The following CDH12 variants were observed in gnomAD, a reference collection of about 807,000 sequenced individuals.
CDH12 encodes cadherin 12.
CDH12 carries 41 observed loss-of-function variants against 74.1 expected under a neutral mutation model. The observed-to-expected ratio is 0.55, with a 90% CI of 0.43 to 0.72. CDH12 has a LOEUF of 0.72. Ranked by LOEUF, CDH12 falls within the 30% of genes least tolerant of loss-of-function variation. The pLI is 0.00. For synonymous variants in CDH12, 399 were observed against 355.0 expected (o/e 1.12, Z -1.39); for missense variants, 945 against 977.2 (o/e 0.97, Z 0.44).
At chr5:22,522,799 T>C (rs1212206103) in intron 1 of CDH12, among the ~76,000 whole-genome samples, 1 of 152,212 alleles carries the variant, frequency 6.6e-6, no homozygotes, top group Non-Finnish European at 1.5e-5. Context: ...TGTGATTTTG[T>C]GTTCTGTCAT....
intron 2 of CDH12, among the ~76,000 whole-genome samples, chr5:22,488,920 C>T (rs1187676342): frequency 6.6e-6 from 1 of 151,896 alleles, no homozygotes; most frequent in Non-Finnish European, 1.5e-5. Flanking sequence ...ATGAAAACTT[C>T]TTCCTTAATG....
chr5:22,110,818 G>A (rs996611551), intron 4 of CDH12, among the ~76,000 whole-genome samples: 4 of 152,068 alleles, frequency 2.6e-5, no homozygotes, highest in Non-Finnish European at 4.4e-5. Flanking sequence ...TCTCATTAAT[G>A]TTACAAAGGC....
At chr5:22,609,798 G>A (rs1356433635) in intron 1 of CDH12, among the ~76,000 whole-genome samples, 1 of 152,186 alleles carries the variant, frequency 6.6e-6, no homozygotes, top group Non-Finnish European at 1.5e-5. Flanking sequence ...ACTCAATGCT[G>A]TCTGTTTGTA....
rs181494333 is a variant in CDH12 at position 22,255,378 on chromosome 5, A to C, written c.-332-42735T>G. Reference sequence around the variant, plus strand: ...TTACATACAAATACCTATAATTATTAATTATAGATAGCATTTAACTTTTTA... The same window carrying C: ...TTACATACAAATACCTATAATTATTCATTATAGATAGCATTTAACTTTTTA... On this transcript the variant is annotated intron_variant, in intron 3 of 14. Coordinates refer to ENST00000382254, the MANE Select transcript of CDH12 (RefSeq NM_004061.5). Among the ~76,000 whole-genome samples the C allele has an allele frequency of 2.6e-5, 4 of 151,820 alleles. No individual in the cohort carries two copies. In the East Asian group the frequency reaches 7.8e-4, roughly 29 times the overall value.
At chr5:22,341,907 G>A (rs2150455576) in intron 3 of CDH12, among the ~76,000 whole-genome samples, 1 of 152,064 alleles carries the variant, frequency 6.6e-6, no homozygotes, top group Non-Finnish European at 1.5e-5. Context: ...TGGAGAGAGT[G>A]TCTTAGTCAG....
intron 1 of CDH12, among the ~76,000 whole-genome samples, chr5:22,754,693 C>T (rs1745797087): frequency 6.6e-6 from 1 of 151,844 alleles, no homozygotes; most frequent in Non-Finnish European, 1.5e-5. Context: ...CGGAGCAATA[C>T]ATGAGTCTGT....
At chr5:22,166,318 T>C (rs1748678745) in intron 4 of CDH12, among the ~76,000 whole-genome samples, 1 of 152,214 alleles carries the variant, frequency 6.6e-6, no homozygotes. Flanking sequence ...TATTTTTTAA[T>C]GAATATCTGA....
chr5:21,816,676 A>G (rs1192718629), intron 9 of CDH12, among the ~76,000 whole-genome samples: 2 of 146,954 alleles, frequency 1.4e-5, no homozygotes, highest in Non-Finnish European at 3.0e-5. Context: ...TACTATATAT[A>G]AGATACAAAC....
intron 4 of CDH12, among the ~76,000 whole-genome samples, chr5:22,163,470 ATCTATTTGTAGTC>A (rs1228226389): frequency 2.6e-5 from 4 of 152,132 alleles, no homozygotes; most frequent in Admixed American, 6.5e-5. Context: ...ACACACACCC[ATCTATTTGTAGTC>A]TTACCCACTT....
At chr5:22,693,469 GCTTTATA>G (rs1742190205) in intron 1 of CDH12, among the ~76,000 whole-genome samples, 1 of 151,842 alleles carries the variant, frequency 6.6e-6, no homozygotes, top group Non-Finnish European at 1.5e-5. Flanking sequence ...TTAGATTGGG[GCTTTATA>G]CCATCTTTCT....
chr5:22,083,148 T>C (rs1243290660), intron 4 of CDH12, among the ~76,000 whole-genome samples: 1 of 152,206 alleles, frequency 6.6e-6, no homozygotes, highest in Admixed American at 6.6e-5. Context: ...AACTTGCATA[T>C]CACACTTAGC....
chr5:22,137,106 A>C (rs569854081), intron 4 of CDH12, among the ~76,000 whole-genome samples: 114 of 151,920 alleles, frequency 7.5e-4, no homozygotes, highest in Non-Finnish European at 1.3e-3. Context: ...TGATTTACAA[A>C]GCACAGTTTC....
chr5:22,393,027 C>T (rs567316919), intron 3 of CDH12, among the ~76,000 whole-genome samples: 2 of 152,220 alleles, frequency 1.3e-5, no homozygotes, highest in African/African-American at 4.8e-5. Flanking sequence ...TATTCCCCAA[C>T]AATGTCTCTA....
intron 2 of CDH12, among the ~76,000 whole-genome samples, chr5:22,486,631 T>C (rs962599901): frequency 2.0e-5 from 3 of 151,872 alleles, no homozygotes; most frequent in Admixed American, 2.0e-4. Flanking sequence ...TTTTTGTATT[T>C]TTGGTAGAGA....
intron 6 of CDH12, among the ~76,000 whole-genome samples, chr5:21,900,041 A>C (rs1290464976): frequency 6.6e-6 from 1 of 152,210 alleles, no homozygotes; most frequent in East Asian, 1.9e-4. Flanking sequence ...CTAGATACAT[A>C]GATAGTTACA....
At chr5:21,794,354 T>C (rs1746663864) in intron 10 of CDH12, among the ~76,000 whole-genome samples, 1 of 151,916 alleles carries the variant, frequency 6.6e-6, no homozygotes, top group Non-Finnish European at 1.5e-5. Context: ...ACAAGCTAAA[T>C]ACCATCAGCA....
chr5:22,279,973 A>G (rs1322576647), intron 3 of CDH12, among the ~76,000 whole-genome samples: 5 of 152,164 alleles, frequency 3.3e-5, no homozygotes, highest in Admixed American at 6.5e-5. Context: ...CAATGGTTGA[A>G]CTAGTTTACA....
rs182233311 is a variant in CDH12 at position 22,573,811 on chromosome 5, T to C, written c.-522-68447A>G. ...TCTCCTCTCCCAGAAATCCACAATA[T>C]GAAATTGATATATTGGACTGTAGAG... is the stretch of plus-strand genomic sequence containing the variant. On this transcript the variant is annotated intron_variant, in intron 1 of 14. Transcript: ENST00000382254. Among the ~76,000 whole-genome samples the C allele has an allele frequency of 2.6e-5, 4 of 152,252 alleles. No homozygotes were observed. In the East Asian group the frequency reaches 7.7e-4, roughly 29 times the overall value.
intron 3 of CDH12, among the ~76,000 whole-genome samples, chr5:22,267,607 A>G (rs910886417): frequency 6.6e-6 from 1 of 152,168 alleles, no homozygotes; most frequent in African/African-American, 2.4e-5. Context: ...TCAAGTTACA[A>G]TGTATTTGTA....
Sources: allele counts gnomAD v4.1 joint callset (sites outside exome capture counted in the v4.1 genomes callset), GRCh38; gene constraint gnomAD v4.1.1; transcripts MANE v1.5; gene names NCBI Gene and HGNC (gene_info 2026-07-23, HGNC 2026-07-21).